The following LMCD1 variants were observed in gnomAD, a reference collection of about 807,000 sequenced individuals.
LMCD1 encodes the protein LIM and cysteine-rich domains protein 1.
In LMCD1, 32 loss-of-function variants were observed where a neutral mutation model predicts 42.7. That is an observed-to-expected ratio of 0.75 (90% confidence interval 0.57 to 1.01). LMCD1 has a LOEUF of 1.01. Ranked by LOEUF, LMCD1 falls within the 50% of genes least tolerant of loss-of-function variation. LMCD1 has a pLI of 0.00. For missense variants in LMCD1, 458 were observed against 483.1 expected, an observed-to-expected ratio of 0.95 and a Z score of 0.49; for synonymous variants, 178 against 184.9, an observed-to-expected ratio of 0.96 and a Z score of 0.30.
At chr3:8,525,780 A>C (rs573715137) in intron 1 of LMCD1, among the ~76,000 whole-genome samples, 17 of 152,350 alleles carry the variant, frequency 1.1e-4, no homozygotes, top group African/African-American at 3.8e-4. Flanking sequence ...GGTGAGACCA[A>C]ATGATTCCCA....
At chr3:8,502,327 A>ATTT (rs2125005700) in intron 1 of LMCD1, among the ~76,000 whole-genome samples, 1 of 26,474 alleles carries the variant, frequency 3.8e-5, no homozygotes. Context: ...TATATTATAT[A>ATTT]TAATATATAT....
chr3:8,506,555 G>A (rs1693886225), intron 1 of LMCD1, among the ~76,000 whole-genome samples: 1 of 152,150 alleles, frequency 6.6e-6, no homozygotes, highest in African/African-American at 2.4e-5. Flanking sequence ...CACTAGAGCT[G>A]ACAGGGCTCC....
intron 3 of LMCD1, among the ~76,000 whole-genome samples, chr3:8,545,204 C>T (rs574254690): frequency 2.6e-5 from 4 of 152,110 alleles, no homozygotes; most frequent in Admixed American, 2.0e-4. Context: ...TAAGAAAAAG[C>T]GATTTTAGAC....
chr3:8,521,815 C>A (rs915175305), intron 1 of LMCD1, among the ~76,000 whole-genome samples: 3 of 151,998 alleles, frequency 2.0e-5, no homozygotes, highest in Admixed American at 6.6e-5. Context: ...GGTTGGTAGA[C>A]CAGATGACCG....
At position 8,501,896 on chromosome 3, in the gene LMCD1, T is replaced by A. The variant is rs750401105; in HGVS notation, c.-43T>A. Reference sequence around the variant, plus strand: ...TGTCCCCGCTGCGCGCCCTCGCGCCTCTGCCTGAGAAGCCAGGCGCTGTTC... The same window carrying A: ...TGTCCCCGCTGCGCGCCCTCGCGCCACTGCCTGAGAAGCCAGGCGCTGTTC... On this transcript the variant is annotated 5_prime_UTR_variant, in exon 1 of 6. Coordinates refer to ENST00000157600, the MANE Select transcript of LMCD1 (RefSeq NM_014583.4). The A allele has an allele frequency of 6.4e-7, 1 of 1,571,250 alleles. No homozygotes were observed. The highest frequency in any genetic ancestry group is 8.6e-7 in the Non-Finnish European group (1 of 1,159,204).
At chr3:8,531,959 CTTCTCCAATGTTAAT>C (rs988205972) in intron 1 of LMCD1, among the ~76,000 whole-genome samples, 4 of 152,318 alleles carry the variant, frequency 2.6e-5, no homozygotes, top group African/African-American at 9.6e-5. Context: ...TAACCCACTT[CTTCTCCAATGTTAAT>C]GTAATGCAGA....
chr3:8,534,904 T>A (rs1471814374), intron 2 of LMCD1, among the ~76,000 whole-genome samples: 1 of 152,216 alleles, frequency 6.6e-6, no homozygotes, highest in Non-Finnish European at 1.5e-5. Context: ...GAAATTGTGT[T>A]GACACCATTT....
In LMCD1 at chr3:8,550,582, C is replaced by CT. The variant is rs1031350342; in HGVS notation, c.723+1680dup. The stretch of plus-strand genomic sequence containing the variant: ...CAAGAAACTGTTTTATCTGAGAACT[C>CT]TAAGACCAAAGAACAAGATTTATTT... On this transcript the variant is annotated intron_variant, in intron 4 of 5. Transcript: ENST00000157600. 1.2e-5 allele frequency: 12 copies of CT among 985,244 alleles called. No homozygotes were observed. In the African/African-American group the frequency reaches 2.1e-4, roughly 17 times the overall value. 61.0% of individuals were successfully genotyped at this position (985,244 alleles called of 1,614,324 possible). A position where few individuals can be genotyped will look rare whatever the true frequency, so the allele number is the denominator to read the frequency against.
At chr3:8,541,758 C>T (rs1559352646) in intron 3 of LMCD1, among the ~76,000 whole-genome samples, 1 of 152,172 alleles carries the variant, frequency 6.6e-6, no homozygotes, top group Non-Finnish European at 1.5e-5. Context: ...CAGAGCAGTG[C>T]CAGGTCGTTG....
At chr3:8,504,922 G>A (rs955983952) in intron 1 of LMCD1, among the ~76,000 whole-genome samples, 1 of 152,182 alleles carries the variant, frequency 6.6e-6, no homozygotes, top group Non-Finnish European at 1.5e-5. Context: ...TCTGGTTTAA[G>A]TCCCAGCTCC....
chr3:8,561,685 T>C (rs1461920325), intron 4 of LMCD1, among the ~76,000 whole-genome samples: 1 of 152,218 alleles, frequency 6.6e-6, no homozygotes, highest in Non-Finnish European at 1.5e-5. Flanking sequence ...TGAATCTCCC[T>C]GACCTTCAGT....
At chr3:8,542,002 C>CTTTTTTTTT (rs1187864989) in intron 3 of LMCD1, among the ~76,000 whole-genome samples, 59 of 76,726 alleles carry the variant, frequency 7.7e-4, no homozygotes, top group Non-Finnish European at 9.0e-4. Context: ...GAGGCTGGAG[C>CTTTTTTTTT]TTTTTTTTTT....
intron 4 of LMCD1, among the ~76,000 whole-genome samples, chr3:8,552,766 C>T (rs1206771703): frequency 6.6e-6 from 1 of 152,104 alleles, no homozygotes; most frequent in African/African-American, 2.4e-5. Flanking sequence ...CTCTGTCGCC[C>T]GGGCTGGAGT....
At chr3:8,512,386 T>G (rs1029017315) in intron 1 of LMCD1, among the ~76,000 whole-genome samples, 1 of 152,232 alleles carries the variant, frequency 6.6e-6, no homozygotes, top group Non-Finnish European at 1.5e-5. Flanking sequence ...GATATCTCAG[T>G]GCTGCTAGGA....
intron 3 of LMCD1, chr3:8,537,658 G>A (rs373407974): frequency 8.5e-6 from 4 of 468,756 alleles, no homozygotes; most frequent in African/African-American, 3.9e-5. Context: ...GGGTAGAGGT[G>A]TTCATATGGA....
Position 8,568,232 on chromosome 3 carries a change from A to ACTT in LMCD1, c.*636_*638dup, listed in dbSNP as rs547254851. On this transcript the variant is annotated 3_prime_UTR_variant, in exon 6 of 6. Transcript: ENST00000157600. ...CCTCTCTATCAATGTATCTCATCAGACTTCCACTGGGAGTGTAGGCTTTGG... is the reference window on the plus strand; with the variant it reads ...CCTCTCTATCAATGTATCTCATCAGACTTCTTCCACTGGGAGTGTAGGCTTTGG... 164 of 152,326 alleles carry ACTT rather than the reference A, an allele frequency of 1.1e-3. No individual in the cohort carries two copies. Among genetic ancestry groups the ACTT allele is most frequent in the African/African-American group, 3.7e-3 (153 of 41,560 alleles). 9.4% of individuals were successfully genotyped at this position (152,326 alleles called of 1,614,324 possible). A position where few individuals can be genotyped will look rare whatever the true frequency, so the allele number is the denominator to read the frequency against.
At chr3:8,517,518 G>C (rs151094461) in intron 1 of LMCD1, among the ~76,000 whole-genome samples, 4 of 152,168 alleles carry the variant, frequency 2.6e-5, no homozygotes, top group Non-Finnish European at 4.4e-5. Flanking sequence ...AGTTTGGGTC[G>C]TGGACTTGTT....
At chr3:8,513,851 A>G (rs1004811077) in intron 1 of LMCD1, among the ~76,000 whole-genome samples, 3 of 152,190 alleles carry the variant, frequency 2.0e-5, no homozygotes, top group Admixed American at 2.0e-4. Flanking sequence ...ACTTGCTTTC[A>G]TGAAAAGATA....
intron 1 of LMCD1, among the ~76,000 whole-genome samples, chr3:8,518,873 G>A (rs1181260995): frequency 6.6e-6 from 1 of 152,146 alleles, no homozygotes; most frequent in East Asian, 1.9e-4. Flanking sequence ...GAAACCAGAG[G>A]AAACCAGGGT....
Sources: allele counts gnomAD v4.1 joint callset (sites outside exome capture counted in the v4.1 genomes callset), GRCh38; gene constraint gnomAD v4.1.1; transcripts MANE v1.5; gene names NCBI Gene and HGNC (gene_info 2026-07-23, HGNC 2026-07-21).